EXT1: variants seen among roughly 807,000 people sequenced by gnomAD.
EXT1 encodes the protein exostosin-1.
EXT1 carries 20 observed loss-of-function variants against 82.5 expected under a neutral mutation model. That is an observed-to-expected ratio of 0.24 (90% CI 0.17 to 0.35). EXT1 has a LOEUF of 0.35. Among genes scored for constraint, EXT1 ranks in the 10% least tolerant of loss-of-function variants. The pLI, the probability that EXT1 is intolerant of heterozygous loss-of-function variation, is 1.00. For synonymous variants in EXT1, 348 were observed against 350.8 expected (o/e 0.99, Z 0.09); for missense variants, 757 against 936.5 (o/e 0.81, Z 2.50).
chr8:117,856,422 A>ATTT (rs951647677), intron 1 of EXT1, among the ~76,000 whole-genome samples: 19 of 83,740 alleles, frequency 2.3e-4, no homozygotes, highest in South Asian at 8.9e-4. Flanking sequence ...GCCTGGCTAA[A>ATTT]TTTTTTTTTT....
At chr8:117,962,749 T>TCCCCC (rs200739183) in intron 1 of EXT1, among the ~76,000 whole-genome samples, 1 of 128,858 alleles carries the variant, frequency 7.8e-6, no homozygotes, top group Non-Finnish European at 1.6e-5. Flanking sequence ...AAAGACTCCA[T>TCCCCC]CCCCCCACAC....
chr8:118,110,579 C>T lies in EXT1; in HGVS notation c.468G>A (p.Leu156=). The change falls in exon 1 of 11, where the codon CTG becomes CTA. Residue 156 remains leucine (L), a synonymous_variant. Coordinates refer to ENST00000378204, the MANE Select transcript of EXT1 (RefSeq NM_000127.3). Reference sequence around the variant, plus strand: ...GGTCTCTGTCTAAAGTATCCAGACTCAGGACAAAGAGGCACGCCTGGCTGG... The same window carrying T: ...GGTCTCTGTCTAAAGTATCCAGACTTAGGACAAAGAGGCACGCCTGGCTGG... The part of the protein sequence containing the change: ...SDPSQACLFV[L]SLDTLDRDQL... 6.2e-7 allele frequency: 1 copy of T among 1,614,202 alleles called. No individual in the cohort carries two copies. The highest frequency in any genetic ancestry group is 2.2e-5 in the East Asian group (1 of 44,886).
At chr8:118,076,555 T>A (rs577695901) in intron 1 of EXT1, among the ~76,000 whole-genome samples, 1 of 152,260 alleles carries the variant, frequency 6.6e-6, no homozygotes, top group Non-Finnish European at 1.5e-5. Flanking sequence ...TGAAGGCCAA[T>A]GGCTGTGTTA....
At chr8:117,958,503 T>C (rs982065474) in intron 1 of EXT1, among the ~76,000 whole-genome samples, 4 of 152,304 alleles carry the variant, frequency 2.6e-5, no homozygotes, top group African/African-American at 7.2e-5. Context: ...TGAATCCACA[T>C]AGAAATGAAA....
chr8:118,011,677 A>G (rs1186094503), intron 1 of EXT1, among the ~76,000 whole-genome samples: 3 of 152,200 alleles, frequency 2.0e-5, no homozygotes, highest in Non-Finnish European at 4.4e-5. Flanking sequence ...GTCTGATCCA[A>G]AATTCCCTGC....
At chr8:118,096,744 G>GA (rs1408780942) in intron 1 of EXT1, among the ~76,000 whole-genome samples, 1 of 152,012 alleles carries the variant, frequency 6.6e-6, no homozygotes, top group Non-Finnish European at 1.5e-5. Context: ...ATACCTTGGG[G>GA]AAAAAAAGGT....
intron 1 of EXT1, among the ~76,000 whole-genome samples, chr8:117,990,181 G>A (rs1474078334): frequency 3.3e-5 from 5 of 152,048 alleles, no homozygotes; most frequent in Admixed American, 6.6e-5. Context: ...TAAAAAAAAA[G>A]AGAAAAGAAG....
intron 10 of EXT1, among the ~76,000 whole-genome samples, chr8:117,801,997 A>C (rs1334859953): frequency 4.6e-5 from 7 of 152,342 alleles, no homozygotes; most frequent in African/African-American, 1.7e-4. Context: ...GAGTCAACCA[A>C]CATCTATTAG....
intron 1 of EXT1, among the ~76,000 whole-genome samples, chr8:117,964,418 G>A (rs1814763691): frequency 6.6e-6 from 1 of 152,174 alleles, no homozygotes; most frequent in Admixed American, 6.5e-5. Context: ...GTGAAGGAGT[G>A]GGGAGTGAGG....
chr8:117,808,236 T>C (rs2129704543), intron 8 of EXT1, among the ~76,000 whole-genome samples: 1 of 152,264 alleles, frequency 6.6e-6, no homozygotes, highest in East Asian at 1.9e-4. Context: ...ATAACAAAAA[T>C]AGTGACAGCA....
intron 1 of EXT1, among the ~76,000 whole-genome samples, chr8:117,941,386 A>G (rs1030622633): frequency 1.3e-5 from 2 of 152,226 alleles, no homozygotes; most frequent in African/African-American, 4.8e-5. Flanking sequence ...CTTTGCTACT[A>G]TAACATATGG....
At chr8:117,934,139 T>G (rs1814113640) in intron 1 of EXT1, among the ~76,000 whole-genome samples, 1 of 152,038 alleles carries the variant, frequency 6.6e-6, no homozygotes, top group African/African-American at 2.4e-5. Context: ...ACCTGTAAAT[T>G]TTCAGAACTT....
Position 117,827,784 on chromosome 8 carries a change from C to CAAAAAAAAAAAAAAAAAAAAA in EXT1, c.1284+2425_1284+2445dup, listed in dbSNP as rs768731740. ...TGGGGGACAGGGTGAGACTCTGTCT[C>CAAAAAAAAAAAAAAAAAAAAA]AAAAAAAAAAAAAAAAAAAAAAAAA... On this transcript the variant is annotated intron_variant, in intron 4 of 10. Coordinates refer to ENST00000378204, the MANE Select transcript of EXT1 (RefSeq NM_000127.3). 1.5e-4 allele frequency among the ~76,000 whole-genome samples: 8 copies of CAAAAAAAAAAAAAAAAAAAAA among 54,140 alleles called. 1 individual carries two copies. The highest frequency in any genetic ancestry group is 6.4e-4 in the African/African-American group (8 of 12,558). 35.5% of individuals were successfully genotyped at this position (54,140 alleles called of 152,430 possible).
At chr8:117,910,578 T>C (rs1813627345) in intron 1 of EXT1, among the ~76,000 whole-genome samples, 1 of 151,734 alleles carries the variant, frequency 6.6e-6, no homozygotes, top group Admixed American at 6.6e-5. Context: ...AATCATGAAA[T>C]AGGAGGAGGG....
chr8:117,866,717 T>G (rs1168054220), intron 1 of EXT1, among the ~76,000 whole-genome samples: 1 of 150,980 alleles, frequency 6.6e-6, no homozygotes, highest in Non-Finnish European at 1.5e-5. Context: ...AGTTTTTGTG[T>G]GTCTAAGTAG....
intron 1 of EXT1, among the ~76,000 whole-genome samples, chr8:117,991,515 C>G (rs1448209500): frequency 6.6e-6 from 1 of 151,870 alleles, no homozygotes; most frequent in Non-Finnish European, 1.5e-5. Context: ...TCTTCTTTGG[C>G]CTTTTGAACT....
At chr8:117,828,101 G>A (rs1812037541) in intron 4 of EXT1, among the ~76,000 whole-genome samples, 1 of 151,994 alleles carries the variant, frequency 6.6e-6, no homozygotes, top group African/African-American at 2.4e-5. Flanking sequence ...TACAATGCAA[G>A]TATATAAAGA....
chr8:117,847,997 A>G (rs1256913836), intron 1 of EXT1, among the ~76,000 whole-genome samples: 1 of 152,174 alleles, frequency 6.6e-6, no homozygotes, highest in Non-Finnish European at 1.5e-5. Flanking sequence ...TGACTTTGAC[A>G]GTCAGGGCTG....
At chr8:117,888,664 C>T (rs1485345082) in intron 1 of EXT1, among the ~76,000 whole-genome samples, 1 of 152,162 alleles carries the variant, frequency 6.6e-6, no homozygotes. Context: ...AAGCCAGAAG[C>T]TGATGTTTCT....
Sources: allele counts gnomAD v4.1 joint callset (sites outside exome capture counted in the v4.1 genomes callset), GRCh38; gene constraint gnomAD v4.1.1; transcripts MANE v1.5; gene names NCBI Gene and HGNC (gene_info 2026-07-23, HGNC 2026-07-21).